Variants in SGCD observed in about 807,000 individuals in gnomAD.
SGCD encodes sarcoglycan delta.
Under a neutral mutation model 36.6 loss-of-function variants are expected in SGCD, and 18 were observed. The ratio of observed to expected loss-of-function variants is 0.49; its 90% CI spans 0.34 to 0.73. SGCD has a LOEUF of 0.73. Ranked by LOEUF, SGCD falls within the 30% of genes least tolerant of loss-of-function variation. The pLI is 0.01. For synonymous variants in SGCD, 133 were observed against 130.6 expected (o/e 1.02, Z -0.12); for missense variants, 387 against 346.7 (o/e 1.12, Z -0.92).
the SGCD span, among the ~76,000 whole-genome samples, chr5:155,826,061 A>G: frequency 6.6e-6 from 1 of 152,178 alleles, no homozygotes; most frequent in Admixed American, 6.5e-5. Flanking sequence ...AGTTGACTTT[A>G]AATAACACAA....
chr5:156,365,743 A>C (rs558602017), intron 3 of SGCD, among the ~76,000 whole-genome samples: 6 of 151,160 alleles, frequency 4.0e-5, no homozygotes, highest in South Asian at 2.1e-4. Context: ...GTATATATGT[A>C]TACATACACA....
At chr5:156,114,238 G>A (rs560672520) in intron 1 of SGCD, among the ~76,000 whole-genome samples, 36 of 152,132 alleles carry the variant, frequency 2.4e-4, no homozygotes, top group African/African-American at 8.4e-4. Context: ...GCATTTGAAG[G>A]GATGGGTGGA....
intron 1 of SGCD, among the ~76,000 whole-genome samples, chr5:156,002,050 G>A (rs984591134): frequency 1.4e-4 from 21 of 152,182 alleles, no homozygotes; most frequent in Non-Finnish European, 4.4e-5. Context: ...ATAAGATGAC[G>A]TTACAGACTG....
chr5:156,524,943 G>A (rs1757581373), intron 4 of SGCD, among the ~76,000 whole-genome samples: 1 of 152,022 alleles, frequency 6.6e-6, no homozygotes, highest in African/African-American at 2.4e-5. Flanking sequence ...ATTCCATTGT[G>A]TATATATACC....
chr5:156,161,482 A>G (rs1763085975), intron 3 of SGCD, among the ~76,000 whole-genome samples: 1 of 151,886 alleles, frequency 6.6e-6, no homozygotes, highest in Non-Finnish European at 1.5e-5. Flanking sequence ...AGCAAATCCC[A>G]AGGGCATCGT....
chr5:156,460,295 G>A (rs991049687), intron 3 of SGCD, among the ~76,000 whole-genome samples: 6 of 152,080 alleles, frequency 3.9e-5, no homozygotes, highest in Non-Finnish European at 8.8e-5. Flanking sequence ...AAGTCTTTGA[G>A]TCTGAAATAA....
intron 1 of SGCD, among the ~76,000 whole-genome samples, chr5:156,012,223 A>G (rs1439566982): frequency 6.6e-6 from 1 of 152,262 alleles, no homozygotes; most frequent in African/African-American, 2.4e-5. Context: ...AAAATTGCAG[A>G]TAATTACGAA....
Position 156,351,319 on chromosome 5 carries a change from G to A in SGCD, c.192+6642G>A, listed in dbSNP as rs190035089. Among the ~76,000 whole-genome samples, 586 of 152,260 alleles carry A rather than the reference G, an allele frequency of 3.8e-3. 9 individuals carry two copies. Among genetic ancestry groups the A allele is most frequent in the African/African-American group, 0.014 (563 of 41,556 alleles). On this transcript the variant is annotated intron_variant, in intron 3 of 8. Transcript: ENST00000337851. ...ATTATTAGCAGAATCTGACACATAGGAAGAGTCAGTGTTGACAACAGAAAG... is the reference window on the plus strand; with the variant it reads ...ATTATTAGCAGAATCTGACACATAGAAAGAGTCAGTGTTGACAACAGAAAG...
chr5:156,442,158 G>C (rs1007091758), intron 3 of SGCD, among the ~76,000 whole-genome samples: 2 of 152,216 alleles, frequency 1.3e-5, no homozygotes, highest in Non-Finnish European at 2.9e-5. Context: ...GGGCAGAGCA[G>C]TGATCGAGTG....
chr5:155,780,259 G>C, the SGCD span, among the ~76,000 whole-genome samples: 1 of 152,132 alleles, frequency 6.6e-6, no homozygotes, highest in African/African-American at 2.4e-5. Context: ...AGACACTGGG[G>C]AAGCTTTGTG....
chr5:155,764,146 A>C, the SGCD span, among the ~76,000 whole-genome samples: 1 of 152,214 alleles, frequency 6.6e-6, no homozygotes, highest in Non-Finnish European at 1.5e-5. Context: ...AGTTAAATCT[A>C]GTGAGGAAAC....
intron 1 of SGCD, among the ~76,000 whole-genome samples, chr5:156,093,621 C>G (rs1761302874): frequency 6.6e-6 from 1 of 152,124 alleles, no homozygotes; most frequent in Admixed American, 6.5e-5. Flanking sequence ...GGCCATGTCC[C>G]CAGTTTGATT....
intron 1 of SGCD, among the ~76,000 whole-genome samples, chr5:156,007,240 A>G (rs986885827): frequency 2.0e-4 from 30 of 152,160 alleles, no homozygotes; most frequent in East Asian, 1.6e-3. Context: ...CACCCTCACC[A>G]CACTGGGTGA....
At chr5:156,625,491 G>A (rs573842114) in intron 6 of SGCD, among the ~76,000 whole-genome samples, 99 of 152,264 alleles carry the variant, frequency 6.5e-4, no homozygotes, top group Non-Finnish European at 1.2e-3. Context: ...GAGTTCTGTT[G>A]GTGACAGAGT....
chr5:156,185,503 C>G (rs150931804), intron 3 of SGCD, among the ~76,000 whole-genome samples: 2 of 151,990 alleles, frequency 1.3e-5, no homozygotes, highest in South Asian at 4.1e-4. Flanking sequence ...TGTGAGCCAC[C>G]GCGCCTGGCC....
chr5:156,012,317 A>C (rs985503792), intron 1 of SGCD, among the ~76,000 whole-genome samples: 1 of 152,214 alleles, frequency 6.6e-6, no homozygotes, highest in African/African-American at 2.4e-5. Flanking sequence ...CTTACGTATT[A>C]TTACAGAGTA....
At chr5:156,563,616 C>T (rs531697301) in intron 4 of SGCD, among the ~76,000 whole-genome samples, 3 of 152,246 alleles carry the variant, frequency 2.0e-5, no homozygotes, top group African/African-American at 2.4e-5. Context: ...ATTTGCCATA[C>T]TTAGTCTCTT....
At chr5:155,841,728 T>TCCCCCA in the SGCD span, among the ~76,000 whole-genome samples, 21 of 152,196 alleles carry the variant, frequency 1.4e-4, no homozygotes, top group Non-Finnish European at 2.5e-4. Context: ...TTTTATAGGT[T>TCCCCCA]TTGTAGGGAA....
chr5:156,104,583 G>T (rs888403780), intron 1 of SGCD, among the ~76,000 whole-genome samples: 30 of 152,056 alleles, frequency 2.0e-4, no homozygotes, highest in African/African-American at 7.2e-4. Flanking sequence ...ATGCTCTATT[G>T]TTTTTGTTAT....
Sources: gnomAD v4.1 joint callset for allele counts (sites outside exome capture counted in the v4.1 genomes callset) on GRCh38, gnomAD v4.1.1 for gene constraint, MANE v1.5 for transcripts, NCBI Gene and HGNC (gene_info 2026-07-23, HGNC 2026-07-21) for gene names.